ASAH1: variants seen among roughly 807,000 people sequenced by gnomAD.
ASAH1 encodes the protein N-acylsphingosine amidohydrolase 1.
A neutral mutation model predicts 59.5 loss-of-function variants in ASAH1; 70 were observed. That is an observed-to-expected ratio of 1.18 (90% confidence interval 0.97 to 1.43). The LOEUF (loss-of-function observed/expected upper bound fraction) is 1.43. ASAH1 is among the 40% of genes most tolerant of loss of function. ASAH1 has a pLI of 0.00. For missense variants in ASAH1, 660 were observed against 482.5 expected (o/e 1.37, Z -3.45); for synonymous variants, 213 against 166.5 (o/e 1.28, Z -2.15).
At chr8:18,067,105 C>CTGTGCTGTATATCTAAGACATACAGCACT in intron 5 of ASAH1, 115 bp downstream of exon 5, 2 of 461,252 alleles carry the variant, frequency 4.3e-6, no homozygotes, top group Non-Finnish European at 6.1e-6. Flanking sequence ...ACCTGTGCAC[C>CTGTGCTGTATATCTAAGACATACAGCACT]TGTGCTGTAT....
rs17515291 is a variant in ASAH1 at position 18,061,477 on chromosome 8, A to G, written c.704-19T>C. ...AGAATACCTGGAAGAGATGAACACA[A>G]TGTCAGGAACCGGAAGAGGTGACAC... is the stretch of plus-strand genomic sequence containing the variant. On this transcript the variant is annotated intron_variant, in intron 9 of 13. Transcript: ENST00000637790. 424,234 of 1,596,606 alleles carry G rather than the reference A, an allele frequency of 0.27. 59,237 individuals are homozygous for G. The highest frequency in any genetic ancestry group is 0.38 in the Admixed American group (23,070 of 59,990).
At chr8:18,062,938 T>A in intron 7 of ASAH1, 3 of 425,834 alleles carry the variant, frequency 7.0e-6, no homozygotes, top group South Asian at 6.8e-5. Flanking sequence ...TGGCGCGATC[T>A]CGGCTCACTG....
At chr8:18,071,180 C>T in intron 3 of ASAH1, 120 bp downstream of exon 3, 2 of 454,146 alleles carry the variant, frequency 4.4e-6, no homozygotes, top group Non-Finnish European at 6.5e-6. Context: ...GCATTCCAGC[C>T]TGGGTGACAG....
chr8:18,061,236 C>G, intron 10 of ASAH1, 141 bp downstream of exon 10: 2 of 684,882 alleles, frequency 2.9e-6, no homozygotes, highest in South Asian at 2.0e-5. Context: ...ATGAGTAATT[C>G]CACATGAGTG....
In ASAH1 at chr8:18,067,290, T is replaced by G. The variant is rs1237285286; in HGVS notation, c.312A>C (p.Leu104=). 6.3e-7 allele frequency: 1 copy of G among 1,592,144 alleles called. No individual in the cohort carries two copies. The highest frequency in any genetic ancestry group is 1.3e-5 in the African/African-American group (1 of 74,622). ...CAAAAGGGCCAGGAAAGTTGCCAAG[T>G]AGGCCAGGCTGGAAAACAAATATAT... ...MQVVDEKLPG[L]LGNFPGPFEE... The change falls in exon 5 of 14, where the codon CTA becomes CTC. Residue 104 remains leucine, a synonymous_variant. Coordinates refer to ENST00000637790, the MANE Select transcript of ASAH1 (RefSeq NM_177924.5).
intron 2 of ASAH1, chr8:18,073,142 G>T: frequency 9.8e-7 from 1 of 1,020,058 alleles, no homozygotes; most frequent in Non-Finnish European, 1.5e-6. Context: ...TTATTTTAAT[G>T]ACTAAAGCTT....
chr8:18,084,398 G>A (rs1800806707), upstream of ASAH1: 9 of 1,399,022 alleles, frequency 6.4e-6, no homozygotes, highest in Non-Finnish European at 8.4e-6. Context: ...GTGGGGCCGG[G>A]AGCTTCACCC....
chr8:18,084,267 G>C (rs557420198), upstream of ASAH1: 3 of 1,447,550 alleles, frequency 2.1e-6, no homozygotes, highest in East Asian at 7.5e-5. Context: ...TAGAGAAAGA[G>C]AGAGAGCCTT....
Position 18,059,642 on chromosome 8 carries a change from G to T in ASAH1, c.847C>A (p.Leu283Met), listed in dbSNP as rs750455734. The T allele has an allele frequency of 3.7e-6, 6 of 1,614,010 alleles. No homozygotes were observed. Among genetic ancestry groups the T allele is most frequent in the Non-Finnish European group, 4.2e-6 (5 of 1,180,032 alleles). ...TKILAPAYFI[L>M]GGNQSGEGCV... ...CCTTCCCCAGACTGGTTGCCTCCCA[G>T]GATAAAGTAGGCTGGGGCCAATATC... The change falls in exon 11 of 14, where the codon CTG becomes ATG. Residue 283 changes from leucine to methionine, a missense_variant. Physicochemically the swap from Leu to Met is conservative, Grantham distance 15. Coordinates refer to ENST00000637790, the MANE Select transcript of ASAH1 (RefSeq NM_177924.5).
At position 18,075,573 on chromosome 8, in the gene ASAH1, G is replaced by T. The variant is rs763388032; in HGVS notation, c.93C>A (p.Cys31Ter). ...AQHAPPWTED[C>*]RKSTYPPSGP... ...CTGAAGGAGGATAGGTTGATTTTCT[G>T]CAGTCCTCTGTCCACTGAAAAGCAA... The change falls in exon 2 of 14, where the codon TGC becomes TGA. Residue 31 changes from cysteine (C) to a stop codon, truncating the protein, a stop_gained. Coordinates refer to ENST00000637790, the MANE Select transcript of ASAH1 (RefSeq NM_177924.5). LOFTEE classifies it high-confidence loss of function. 6.2e-7 allele frequency: 1 copy of T among 1,614,114 alleles called. No individual in the cohort carries two copies. Among genetic ancestry groups the T allele is most frequent in the Non-Finnish European group, 8.5e-7 (1 of 1,179,988 alleles).
chr8:18,058,464 C>G, intron 13 of ASAH1: 1 of 205,686 alleles, frequency 4.9e-6, no homozygotes, highest in Non-Finnish European at 9.7e-6. Context: ...TTAAGGGAAA[C>G]CCGAACCCAC....
chr8:18,069,751 C>T, intron 4 of ASAH1, 41 bp downstream of exon 4: 1 of 1,411,952 alleles, frequency 7.1e-7, no homozygotes, highest in Non-Finnish European at 1.0e-6. Context: ...AGCGCATTTT[C>T]TATGTGCTTA....
At chr8:18,070,944 A>G (rs1462958163) in intron 3 of ASAH1, among the ~76,000 whole-genome samples, 7 of 152,222 alleles carry the variant, frequency 4.6e-5, no homozygotes, top group African/African-American at 1.7e-4. Flanking sequence ...ATGGCGGCTC[A>G]TGCCTATAAT....
intron 1 of ASAH1, among the ~76,000 whole-genome samples, chr8:18,079,264 C>T (rs1342069069): frequency 7.4e-6 from 1 of 134,974 alleles, no homozygotes; most frequent in African/African-American, 2.8e-5. Flanking sequence ...CAGAGCAAGA[C>T]TCCATCTCAG....
intron 5 of ASAH1, 49 bp from the exon 6 acceptor site, chr8:18,064,580 G>C (rs768076285): frequency 1.1e-5 from 12 of 1,074,840 alleles, no homozygotes; most frequent in African/African-American, 1.6e-5. Context: ...ATGACAATGG[G>C]AGAAAAATTT....
intron 3 of ASAH1, among the ~76,000 whole-genome samples, chr8:18,070,892 T>TG (rs1479540277): frequency 1.3e-5 from 2 of 152,042 alleles, no homozygotes; most frequent in East Asian, 3.9e-4. Context: ...CCACGGTCCT[T>TG]GGGGGGAAAA....
Position 18,057,574 on chromosome 8 carries a change from G to A in ASAH1, c.1148C>T (p.Thr383Ile). The change falls in exon 14 of 14, where the codon ACT (threonine) becomes ATT (isoleucine). Residue 383 changes from threonine to isoleucine, a missense_variant. Transcript: ENST00000637790. ...AGGGTCAGGGCAGTCCCGCAGGTAA[G>A]TTTCGAATTGACCTTTGGTAACATC... ...LIDVTKGQFE[T>I]YLRDCPDPCI... is the part of the protein sequence containing the mutation. 6.2e-7 allele frequency: 1 copy of A among 1,604,972 alleles called. No homozygotes were observed.
At chr8:18,082,572 A>T (rs1330859778) in intron 1 of ASAH1, 2 of 152,200 alleles carry the variant, frequency 1.3e-5, no homozygotes, top group African/African-American at 2.4e-5. Context: ...TGCTAAACAG[A>T]ATGGCTGTTC....
chr8:18,062,539 T>A, intron 7 of ASAH1, 116 bp from the exon 8 acceptor site: 1 of 1,147,658 alleles, frequency 8.7e-7, no homozygotes, highest in Non-Finnish European at 1.3e-6. Context: ...CCACGATCAA[T>A]CCTAACAAGA....
Sources: allele counts gnomAD v4.1 joint callset (sites outside exome capture counted in the v4.1 genomes callset), GRCh38; gene constraint gnomAD v4.1.1; transcripts MANE v1.5; gene names NCBI Gene and HGNC (gene_info 2026-07-23, HGNC 2026-07-21).